The following HS2ST1 variants were observed in gnomAD, a reference collection of about 807,000 sequenced individuals.
HS2ST1 encodes heparan sulfate 2-O-sulfotransferase 1.
A neutral mutation model predicts 42.9 loss-of-function variants in HS2ST1; 18 were observed. That is an observed-to-expected ratio of 0.42 (90% CI 0.29 to 0.62). The LOEUF is 0.62. HS2ST1 is among the 20% of genes least tolerant of loss of function. The probability of loss-of-function intolerance (pLI) is 0.21; values close to 1 mark genes in which losing one functional copy is unlikely to be tolerated. For missense variants in HS2ST1, 334 were observed against 433.8 expected (o/e 0.77, Z 2.04); for synonymous variants, 146 against 152.9 (o/e 0.95, Z 0.33).
At chr1:87,032,356 G>A (rs972843882) in intron 1 of HS2ST1, among the ~76,000 whole-genome samples, 2 of 152,122 alleles carry the variant, frequency 1.3e-5, no homozygotes, top group South Asian at 4.1e-4. Context: ...TTGGATATGT[G>A]TTTGTGTCAG....
Position 86,990,645 on chromosome 1 carries a change from C to T in HS2ST1, c.124+75485C>T, listed in dbSNP as rs576484544. 1.7e-3 allele frequency among the ~76,000 whole-genome samples: 252 copies of T among 150,710 alleles called. 2 individuals carry two copies. The highest frequency in any genetic ancestry group is 2.9e-3 in the Admixed American group (44 of 15,004). On this transcript the variant is annotated intron_variant, in intron 1 of 6. Transcript: ENST00000370550. ...ATCCAGATAATTATTGGATCCTGTC[C>T]AGTTTCTTTTTTTTTGAAACGGAGT...
chr1:87,055,041 C>T (rs575906477), intron 1 of HS2ST1, among the ~76,000 whole-genome samples: 1 of 152,266 alleles, frequency 6.6e-6, no homozygotes, highest in Non-Finnish European at 1.5e-5. Context: ...ACATAAATAT[C>T]TGGAAATTCA....
chr1:87,013,536 A>G (rs972131610), intron 1 of HS2ST1, among the ~76,000 whole-genome samples: 2 of 152,230 alleles, frequency 1.3e-5, no homozygotes, highest in African/African-American at 4.8e-5. Context: ...AGGGGCTGCC[A>G]TGAAGACATG....
intron 1 of HS2ST1, among the ~76,000 whole-genome samples, chr1:86,969,552 C>T (rs1648167458): frequency 6.6e-6 from 1 of 152,136 alleles, no homozygotes; most frequent in Non-Finnish European, 1.5e-5. Context: ...CACATAAACA[C>T]AGTTGTATAG....
chr1:87,029,519 TGA>T (rs1650173597), intron 1 of HS2ST1, among the ~76,000 whole-genome samples: 1 of 152,174 alleles, frequency 6.6e-6, no homozygotes. Flanking sequence ...TGATGTTAAA[TGA>T]GAGACAAAAT....
chr1:87,051,662 G>A (rs772898133), intron 1 of HS2ST1, among the ~76,000 whole-genome samples: 2 of 152,048 alleles, frequency 1.3e-5, no homozygotes, highest in African/African-American at 2.4e-5. Context: ...AGTTTTTGTC[G>A]ATTGATAACA....
chr1:86,990,272 G>C (rs1648904230), intron 1 of HS2ST1, among the ~76,000 whole-genome samples: 1 of 152,152 alleles, frequency 6.6e-6, no homozygotes, highest in Non-Finnish European at 1.5e-5. Flanking sequence ...AGTAATTTAA[G>C]ATTGTTGTTT....
intron 1 of HS2ST1, among the ~76,000 whole-genome samples, chr1:87,049,785 A>C (rs1488468486): frequency 6.6e-6 from 1 of 151,958 alleles, no homozygotes; most frequent in Non-Finnish European, 1.5e-5. Context: ...TTAGTTGATG[A>C]TATTGTTCAA....
At position 86,985,367 on chromosome 1, in the gene HS2ST1, A is replaced by AAAGTATATATAT. The variant is rs1330659867; in HGVS notation, c.124+70207_124+70208insAAGTATATATAT. On this transcript the variant is annotated intron_variant, in intron 1 of 6. Coordinates refer to ENST00000370550, the MANE Select transcript of HS2ST1 (RefSeq NM_012262.4). ...GACTTGTATCAAAAAAAAAAAAAAA[A>AAAGTATATATAT]GTATATATATATATATACACACACA... is the stretch of plus-strand genomic sequence containing the variant. 6.3e-4 allele frequency among the ~76,000 whole-genome samples: 26 copies of AAAGTATATATAT among 41,124 alleles called. 2 individuals carry two copies. The highest frequency in any genetic ancestry group is 1.5e-3 in the African/African-American group (25 of 16,900). 27.0% of individuals were successfully genotyped at this position (41,124 alleles called of 152,430 possible).
chr1:86,963,992 C>T (rs1386680194), intron 1 of HS2ST1, among the ~76,000 whole-genome samples: 1 of 150,776 alleles, frequency 6.6e-6, no homozygotes, highest in African/African-American at 2.4e-5. Flanking sequence ...CTCCTCACTT[C>T]TCAGACAGGG....
intron 1 of HS2ST1, among the ~76,000 whole-genome samples, chr1:87,035,152 A>G (rs1013184833): frequency 6.6e-6 from 1 of 152,218 alleles, no homozygotes; most frequent in African/African-American, 2.4e-5. Context: ...TAGATCCTCC[A>G]GAAGGAACAT....
intron 1 of HS2ST1, among the ~76,000 whole-genome samples, chr1:87,018,230 G>A (rs1361909332): frequency 6.6e-6 from 1 of 151,828 alleles, no homozygotes; most frequent in Non-Finnish European, 1.5e-5. Context: ...AAATGGAGAT[G>A]AATCCTTTAA....
At chr1:87,099,825 C>G (rs1324842742) in intron 5 of HS2ST1, among the ~76,000 whole-genome samples, 1 of 152,162 alleles carries the variant, frequency 6.6e-6, no homozygotes, top group Non-Finnish European at 1.5e-5. Context: ...AAACATTTCC[C>G]TTCCAAAAGG....
chr1:87,042,941 T>C (rs978707516), intron 1 of HS2ST1, among the ~76,000 whole-genome samples: 5 of 152,154 alleles, frequency 3.3e-5, no homozygotes, highest in African/African-American at 1.2e-4. Context: ...CTATAAAGCA[T>C]GTCTGAAACC....
At chr1:86,986,092 T>C (rs61771746) in intron 1 of HS2ST1, among the ~76,000 whole-genome samples, 16,521 of 150,866 alleles carry the variant, frequency 0.11, 1,006 homozygotes, top group African/African-American at 0.14. Context: ...CCCAATTTGT[T>C]ACAATCAGGA....
chr1:87,046,533 A>G (rs1001627669), intron 1 of HS2ST1: 13 of 1,540,652 alleles, frequency 8.4e-6, no homozygotes, highest in Non-Finnish European at 1.1e-5. Context: ...CTTTTTAAAG[A>G]TGACATCAGG....
intron 1 of HS2ST1, among the ~76,000 whole-genome samples, chr1:86,963,410 C>T (rs1036033968): frequency 6.6e-6 from 1 of 152,154 alleles, no homozygotes; most frequent in Admixed American, 6.5e-5. Context: ...GCACATCTTG[C>T]ACTGCCCTTA....
chr1:86,985,098 G>C (rs920330217), intron 1 of HS2ST1, among the ~76,000 whole-genome samples: 2 of 151,558 alleles, frequency 1.3e-5, no homozygotes, highest in Non-Finnish European at 2.9e-5. Context: ...GCTCATGCCT[G>C]TAATCCCAAC....
intron 1 of HS2ST1, among the ~76,000 whole-genome samples, chr1:86,953,043 T>C (rs1018095520): frequency 6.6e-6 from 1 of 152,220 alleles, no homozygotes; most frequent in African/African-American, 2.4e-5. Context: ...TGTAGCCACC[T>C]TCATCAGGTA....
Sources: gnomAD v4.1 joint callset for allele counts (sites outside exome capture counted in the v4.1 genomes callset) on GRCh38, gnomAD v4.1.1 for gene constraint, MANE v1.5 for transcripts, NCBI Gene and HGNC (gene_info 2026-07-23, HGNC 2026-07-21) for gene names.